Variants in ZFHX3 observed in about 807,000 individuals in gnomAD.
ZFHX3 encodes the protein zinc finger homeobox protein 3.
In ZFHX3, 42 loss-of-function variants were observed where a neutral mutation model predicts 279.1. The observed-to-expected ratio is 0.15, with a 90% CI of 0.12 to 0.19. ZFHX3 has a LOEUF of 0.19. Among genes scored for constraint, ZFHX3 ranks in the 10% least tolerant of loss-of-function variants. The probability of loss-of-function intolerance (pLI) is 1.00; values close to 1 mark genes in which losing one functional copy is unlikely to be tolerated. For missense variants in ZFHX3, 4,981 were observed against 4,754.0 expected, an observed-to-expected ratio of 1.05 and a Z score of -1.40; for synonymous variants, 2,293 against 1,957.8, an observed-to-expected ratio of 1.17 and a Z score of -4.52.
intron 5 of ZFHX3, among the ~76,000 whole-genome samples, chr16:73,152,359 A>G (rs79731876): frequency 0.01 from 1,564 of 152,186 alleles, 18 homozygotes; most frequent in African/African-American, 0.036. Flanking sequence ...AACCCAAATT[A>G]TTTTCCATTG....
chr16:73,417,178 T>C (rs935553705), intron 3 of ZFHX3, among the ~76,000 whole-genome samples: 1 of 151,894 alleles, frequency 6.6e-6, no homozygotes, highest in South Asian at 2.1e-4. Flanking sequence ...GAGCAATACT[T>C]TTTCAAGTGT....
At chr16:73,702,888 C>T (rs1340957128) in intron 1 of ZFHX3, among the ~76,000 whole-genome samples, 2 of 152,050 alleles carry the variant, frequency 1.3e-5, no homozygotes, top group Non-Finnish European at 2.9e-5. Context: ...CTTGTTTCCA[C>T]CAAAAAATTC....
intron 4 of ZFHX3, 48 bp downstream of exon 4, chr16:72,889,683 G>T: frequency 6.3e-7 from 1 of 1,585,054 alleles, no homozygotes; most frequent in East Asian, 2.2e-5. Flanking sequence ...TCAAGGAGGT[G>T]AACACCCAGG....
chr16:73,484,949 C>A (rs1007111937), intron 2 of ZFHX3, among the ~76,000 whole-genome samples: 1 of 151,504 alleles, frequency 6.6e-6, no homozygotes, highest in African/African-American at 2.4e-5. Context: ...GCCTTTAGAA[C>A]CAGACAGAAT....
At chr16:72,914,170 T>C (rs773605967) in intron 3 of ZFHX3, among the ~76,000 whole-genome samples, 23 of 152,184 alleles carry the variant, frequency 1.5e-4, no homozygotes, top group Non-Finnish European at 2.9e-4. Flanking sequence ...GCAGTTAAAA[T>C]GCGGCAGCAC....
chr16:73,294,199 G>A (rs2014846842), intron 4 of ZFHX3: 1 of 152,124 alleles, frequency 6.6e-6, no homozygotes, highest in Non-Finnish European at 1.5e-5. Flanking sequence ...TTTCACAAAT[G>A]TGGTTAAGTG....
At chr16:73,745,072 T>C (rs1337068247) in intron 1 of ZFHX3, among the ~76,000 whole-genome samples, 1 of 152,198 alleles carries the variant, frequency 6.6e-6, no homozygotes, top group Admixed American at 6.5e-5. Flanking sequence ...GTGATACAGT[T>C]GCTGCAGTGT....
At chr16:72,849,860 C>CAAAAAAAAAAAAAAAAAAAA (rs542156633) in intron 4 of ZFHX3, among the ~76,000 whole-genome samples, 2 of 56,560 alleles carry the variant, frequency 3.5e-5, no homozygotes, top group African/African-American at 1.6e-4. Context: ...GTTCACCTAC[C>CAAAAAAAAAAAAAAAAAAAA]AAAAAAAAAA....
intron 1 of ZFHX3, among the ~76,000 whole-genome samples, chr16:73,818,787 G>C (rs889610876): frequency 3.3e-5 from 5 of 152,194 alleles, no homozygotes; most frequent in African/African-American, 1.2e-4. Flanking sequence ...ATTGCTCACA[G>C]TTTGGGCCTT....
intron 3 of ZFHX3, among the ~76,000 whole-genome samples, chr16:72,939,428 T>G (rs1960299843): frequency 1.3e-5 from 2 of 152,228 alleles, no homozygotes; most frequent in Non-Finnish European, 2.9e-5. Context: ...GCCACTCTGC[T>G]AAGACACTCC....
chr16:72,794,778 C>G lies in ZFHX3; in HGVS notation c.7904G>C (p.Gly2635Ala). The change falls in exon 9 of 10, where the codon GGA becomes GCA. Residue 2635 changes from glycine (G) to alanine (A), a missense_variant. By Grantham distance (60) the Gly-to-Ala change is moderately conservative. This residue lies in a region of ZFHX3 where 744 missense variants were observed against 701.3 expected (regional missense o/e 1.06). Transcript: ENST00000268489. The surrounding 1 kb of genome is among the most constrained non-coding windows in gnomAD (Gnocchi z 4.2). ...SPGENDSGTG[G>A]EEPQRDKRLR... ...ACGCTTGTCTCTCTGAGGCTCTTCT[C>G]CTCCTGTCCCACTGTCGTTTTCGCC... 1 of 1,614,164 alleles carries G rather than the reference C, an allele frequency of 6.2e-7. No individual in the cohort carries two copies. Among genetic ancestry groups the G allele is most frequent in the Non-Finnish European group, 8.5e-7 (1 of 1,179,996 alleles).
At chr16:73,365,108 A>C (rs1235280251) in intron 3 of ZFHX3, among the ~76,000 whole-genome samples, 1 of 152,176 alleles carries the variant, frequency 6.6e-6, no homozygotes, top group Non-Finnish European at 1.5e-5. Flanking sequence ...TCGAGAAGAG[A>C]GGCATTCTCC....
Position 72,797,467 on chromosome 16 carries a change from G to T in ZFHX3, c.5215C>A (p.Gln1739Lys). Residue 1739 changes from glutamine to lysine, a missense_variant, in exon 9 of 10, where the codon CAA (glutamine) becomes AAA (lysine). Physicochemically the swap from Gln to Lys is moderately conservative, Grantham distance 53. Coordinates refer to ENST00000268489, the MANE Select transcript of ZFHX3 (RefSeq NM_006885.4). ...QQQQQQQQQQQQQAQTLAQAQ... is the reference protein window; with the variant it reads ...QQQQQQQQQQKQQAQTLAQAQ... ...TGGGCCAGCGTTTGTGCTTGTTGTT[G>T]TTGTTGTTGTTGTTGTTGTTGCTGT... 1 of 1,600,210 alleles carries T rather than the reference G, an allele frequency of 6.2e-7. No homozygotes were observed. The highest frequency in any genetic ancestry group is 1.7e-5 in the Admixed American group (1 of 59,572).
chr16:73,480,710 G>C (rs1315220122), intron 2 of ZFHX3, among the ~76,000 whole-genome samples: 3 of 152,236 alleles, frequency 2.0e-5, no homozygotes, highest in South Asian at 4.1e-4. Context: ...AATCTTACAG[G>C]GACCCCTAAG....
In ZFHX3 at chr16:72,788,115, C is replaced by CTGCTGCTGCTGTAGT. The variant is rs2035527454; in HGVS notation, c.10146_10160dup (p.Leu3383_Gln3387dup). The CTGCTGCTGCTGTAGT allele has an allele frequency of 6.3e-7, 1 of 1,596,560 alleles. No individual in the cohort carries two copies. Among genetic ancestry groups the CTGCTGCTGCTGTAGT allele is most frequent in the Non-Finnish European group, 8.6e-7 (1 of 1,167,876 alleles). ...GCTGCTGCTGCTGCACTTTTTGCTGCTGCTGCTGCTGTAGTTGCCGCTGCT... is the reference window on the plus strand; with the variant it reads ...GCTGCTGCTGCTGCACTTTTTGCTGCTGCTGCTGCTGTAGTTGCTGCTGCTGTAGTTGCCGCTGCT... On this transcript the variant is annotated inframe_insertion, in exon 10 of 10. Coordinates refer to ENST00000268489, the MANE Select transcript of ZFHX3 (RefSeq NM_006885.4).
chr16:73,152,617 T>C (rs1191245640), intron 5 of ZFHX3, among the ~76,000 whole-genome samples: 1 of 81,302 alleles, frequency 1.2e-5, no homozygotes, highest in Non-Finnish European at 2.5e-5. Context: ...GTAGCATTTT[T>C]CTTTCTTTTT....
chr16:72,853,833 C>T (rs1219470613), intron 4 of ZFHX3, among the ~76,000 whole-genome samples: 1 of 151,482 alleles, frequency 6.6e-6, no homozygotes, highest in Admixed American at 6.6e-5. Context: ...AGAGAGGAAG[C>T]AGAAGGCTGA....
At chr16:72,878,941 T>C (rs1443695191) in intron 4 of ZFHX3, among the ~76,000 whole-genome samples, 2 of 152,136 alleles carry the variant, frequency 1.3e-5, no homozygotes, top group African/African-American at 4.8e-5. Context: ...ACATGAGACA[T>C]CCAAGATTGC....
intron 2 of ZFHX3, chr16:73,680,050 A>C (rs577687457): frequency 6.6e-6 from 1 of 152,278 alleles, no homozygotes; most frequent in East Asian, 1.9e-4. Context: ...TATGTGCTAC[A>C]TTTTCCAAAT....
Sources: gnomAD v4.1 joint callset for allele counts (sites outside exome capture counted in the v4.1 genomes callset) on GRCh38, gnomAD v4.1.1 for gene constraint, gnomAD v4.1.1 regional missense constraint, Gnocchi (gnomAD v3.1) non-coding constraint, MANE v1.5 for transcripts, NCBI Gene and HGNC (gene_info 2026-07-23, HGNC 2026-07-21) for gene names.